The following EDARADD variants were observed in gnomAD, a reference collection of about 807,000 sequenced individuals.
EDARADD encodes the protein ectodysplasin-A receptor-associated adapter protein.
A neutral mutation model predicts 25.6 loss-of-function variants in EDARADD; 20 were observed. The observed-to-expected ratio is 0.78, with a 90% CI of 0.55 to 1.14. EDARADD has a LOEUF of 1.14. Ranked by LOEUF, EDARADD falls within the 50% of genes most tolerant of loss-of-function variation. EDARADD has a pLI of 0.00. For missense variants in EDARADD, 225 were observed against 270.1 expected (o/e 0.83, Z 1.17); for synonymous variants, 86 against 94.4 (o/e 0.91, Z 0.52).
At chr1:236,471,206 T>C (rs781537721) in intron 5 of EDARADD, among the ~76,000 whole-genome samples, 2 of 152,216 alleles carry the variant, frequency 1.3e-5, no homozygotes, top group Non-Finnish European at 2.9e-5. Context: ...TAATGTCTCC[T>C]TAAAAGGATG....
chr1:236,457,327 G>T (rs199522585), intron 4 of EDARADD, among the ~76,000 whole-genome samples: 2 of 152,008 alleles, frequency 1.3e-5, no homozygotes, highest in East Asian at 3.9e-4. Context: ...ACCAGCCTGG[G>T]CAACAGGGTG....
chr1:236,385,319 G>C (rs1432089983), intron 3 of EDARADD, among the ~76,000 whole-genome samples: 1 of 150,368 alleles, frequency 6.7e-6, no homozygotes, highest in African/African-American at 2.5e-5. Flanking sequence ...TGAGGCAGGA[G>C]AATGGCATGA....
At chr1:236,413,483 T>C (rs1334905997) in intron 2 of EDARADD, among the ~76,000 whole-genome samples, 3 of 152,154 alleles carry the variant, frequency 2.0e-5, no homozygotes, top group Non-Finnish European at 4.4e-5. Context: ...GTAATTTTGT[T>C]CAGGCTGAAG....
At chr1:236,456,218 G>A (rs760599192) in intron 4 of EDARADD, among the ~76,000 whole-genome samples, 3 of 152,106 alleles carry the variant, frequency 2.0e-5, no homozygotes, top group Admixed American at 6.6e-5. Context: ...TTCTGTGAAC[G>A]GAAGCATCGC....
chr1:236,478,620 T>C (rs2103040483), intron 5 of EDARADD, among the ~76,000 whole-genome samples: 1 of 152,252 alleles, frequency 6.6e-6, no homozygotes, highest in Middle Eastern at 3.4e-3. Flanking sequence ...GGAGTCTCGC[T>C]CTGTCACCCA....
intron 4 of EDARADD, among the ~76,000 whole-genome samples, chr1:236,464,441 T>TTTTTTTC (rs1659131804): frequency 7.9e-6 from 1 of 126,374 alleles, no homozygotes; most frequent in African/African-American, 2.9e-5. Flanking sequence ...TTTTTTTTTT[T>TTTTTTTC]TTTTTTTTTG....
chr1:236,456,554 G>A (rs1385211518), intron 4 of EDARADD, among the ~76,000 whole-genome samples: 2 of 151,950 alleles, frequency 1.3e-5, no homozygotes, highest in Non-Finnish European at 2.9e-5. Context: ...ACTTTCTCTA[G>A]ACTGAACTTT....
chr1:236,483,780 G>T lies in EDARADD; in HGVS notation c.*1131G>T. On this transcript the variant is annotated 3_prime_UTR_variant, in exon 6 of 6. Coordinates refer to ENST00000334232, the MANE Select transcript of EDARADD (RefSeq NM_145861.4). ...GGAGAAATATGGGAAAGATGCCACCGGTGTGGGGGATGGAGGCGCGTTTGC... is the reference window on the plus strand; with the variant it reads ...GGAGAAATATGGGAAAGATGCCACCTGTGTGGGGGATGGAGGCGCGTTTGC... 1 of 1,471,448 alleles carries T rather than the reference G, an allele frequency of 6.8e-7. No homozygotes were observed. The highest frequency in any genetic ancestry group is 9.5e-7 in the Non-Finnish European group (1 of 1,052,088). 91.1% of individuals were successfully genotyped at this position (1,471,448 alleles called of 1,614,324 possible). A position where few individuals can be genotyped will look rare whatever the true frequency, so the allele number is the denominator to read the frequency against.
intron 3 of EDARADD, among the ~76,000 whole-genome samples, chr1:236,355,302 C>G (rs1044482100): frequency 1.3e-5 from 2 of 152,098 alleles, no homozygotes; most frequent in Admixed American, 1.3e-4. Context: ...TACTTTCACT[C>G]ATTCCATCAC....
chr1:236,395,390 G>T lies in EDARADD; in HGVS notation c.61+885G>T. The T allele has an allele frequency of 7.1e-7, 1 of 1,402,890 alleles. No individual in the cohort carries two copies. The highest frequency in any genetic ancestry group is 9.3e-7 in the Non-Finnish European group (1 of 1,076,744). 86.9% of individuals were successfully genotyped at this position (1,402,890 alleles called of 1,614,324 possible). A position where few individuals can be genotyped will look rare whatever the true frequency, so the allele number is the denominator to read the frequency against. Reference sequence around the variant, plus strand: ...CCGCGCCTCTGGAGGGAGGTACCGAGGGACGCGCAGCGAAGGGGCTTTGCT... The same window carrying T: ...CCGCGCCTCTGGAGGGAGGTACCGATGGACGCGCAGCGAAGGGGCTTTGCT... On this transcript the variant is annotated intron_variant, in intron 1 of 5. Coordinates refer to ENST00000334232, the MANE Select transcript of EDARADD (RefSeq NM_145861.4). This position sits in a 1 kb window ranked among gnomAD's most constrained non-coding sequence, Gnocchi z 6.9.
At chr1:236,390,984 G>C (rs562893014), upstream of EDARADD, among the ~76,000 whole-genome samples, 1 of 127,026 alleles carries the variant, frequency 7.9e-6, no homozygotes, top group Non-Finnish European at 1.8e-5. Context: ...GTCTCACTCT[G>C]TCGCCAGGCT....
intron 3 of EDARADD, among the ~76,000 whole-genome samples, chr1:236,414,556 T>C (rs1489582729): frequency 1.3e-5 from 2 of 152,216 alleles, no homozygotes; most frequent in African/African-American, 4.8e-5. Context: ...GTTAAATTCC[T>C]GTGGTGTTTT....
intron 3 of EDARADD, among the ~76,000 whole-genome samples, chr1:236,352,729 T>TC (rs1363883024): frequency 1.2e-4 from 18 of 152,130 alleles, no homozygotes; most frequent in Non-Finnish European, 2.4e-4. Flanking sequence ...GCACCTGTAA[T>TC]CCCAGCTACA....
At chr1:236,475,679 G>T (rs1278498019) in intron 5 of EDARADD, among the ~76,000 whole-genome samples, 2 of 151,812 alleles carry the variant, frequency 1.3e-5, no homozygotes, top group African/African-American at 2.4e-5. Flanking sequence ...TAGGAGAATC[G>T]CTTGAACCCA....
intron 4 of EDARADD, among the ~76,000 whole-genome samples, chr1:236,440,578 T>G (rs1444265445): frequency 6.7e-6 from 1 of 149,022 alleles, no homozygotes; most frequent in Non-Finnish European, 1.5e-5. Context: ...GATATTGCAT[T>G]TTTTTTTTTT....
chr1:236,472,501 CA>C (rs1659385425), intron 5 of EDARADD, among the ~76,000 whole-genome samples: 1 of 152,060 alleles, frequency 6.6e-6, no homozygotes, highest in African/African-American at 2.4e-5. Context: ...ATCCTATGGC[CA>C]AGGTTGAGAA....
At chr1:236,429,184 C>T (rs1658024750) in intron 4 of EDARADD, among the ~76,000 whole-genome samples, 1 of 147,374 alleles carries the variant, frequency 6.8e-6, no homozygotes, top group African/African-American at 2.5e-5. Flanking sequence ...GGAGACTGTG[C>T]AGAGGGAGAG....
intron 4 of EDARADD, among the ~76,000 whole-genome samples, chr1:236,433,911 C>T (rs939668505): frequency 4.0e-5 from 6 of 150,796 alleles, no homozygotes; most frequent in African/African-American, 7.3e-5. Context: ...AAAAAAAAAA[C>T]CCTGCAAATA....
chr1:236,359,361 T>C (rs1341362835), intron 3 of EDARADD, among the ~76,000 whole-genome samples: 1 of 152,190 alleles, frequency 6.6e-6, no homozygotes, highest in Non-Finnish European at 1.5e-5. Flanking sequence ...TTCATTCCAT[T>C]ATAAAAGGGC....
Sources: gnomAD v4.1 joint callset for allele counts (sites outside exome capture counted in the v4.1 genomes callset) on GRCh38, gnomAD v4.1.1 for gene constraint, Gnocchi (gnomAD v3.1) non-coding constraint, MANE v1.5 for transcripts, NCBI Gene and HGNC (gene_info 2026-07-23, HGNC 2026-07-21) for gene names.